The following KCNT2 variants were observed in gnomAD, a reference collection of about 807,000 sequenced individuals.
The protein encoded by KCNT2 is potassium sodium-activated channel subfamily T member 2, also known as potassium channel subfamily T member 2.
In KCNT2, 67 loss-of-function variants were observed where a neutral mutation model predicts 153.8. That is an observed-to-expected ratio of 0.44 (90% CI 0.36 to 0.53). The LOEUF (loss-of-function observed/expected upper bound fraction) is 0.53, where lower values mean the gene tolerates loss of function less well. KCNT2 is among the 20% of genes least tolerant of loss of function. KCNT2 has a pLI of 0.00. For synonymous variants in KCNT2, 500 were observed against 458.8 expected (o/e 1.09, Z -1.15); for missense variants, 975 against 1,354.8 (o/e 0.72, Z 4.40).
At chr1:196,451,489 G>A (rs1255199425) in intron 8 of KCNT2, among the ~76,000 whole-genome samples, 2 of 131,482 alleles carry the variant, frequency 1.5e-5, no homozygotes, top group East Asian at 2.3e-4. Context: ...AAATTCCTGA[G>A]TTCTGCTTGC....
intron 8 of KCNT2, among the ~76,000 whole-genome samples, chr1:196,435,249 C>T (rs1225768478): frequency 1.4e-5 from 2 of 139,868 alleles, no homozygotes; most frequent in African/African-American, 5.3e-5. Flanking sequence ...TTTATCTCAC[C>T]TTCACTATTT....
chr1:196,398,724 T>C (rs1287468173), intron 12 of KCNT2, 53 bp from the exon 13 acceptor site: 1 of 957,842 alleles, frequency 1.0e-6, no homozygotes, highest in Admixed American at 2.2e-5. Flanking sequence ...GTTTATAACA[T>C]ATAAAGTAAA....
At chr1:196,349,242 G>A (rs555818285) in intron 14 of KCNT2, among the ~76,000 whole-genome samples, 6 of 152,106 alleles carry the variant, frequency 3.9e-5, no homozygotes, top group Admixed American at 6.6e-5. Context: ...TACAAATTCC[G>A]TGACTTTGTA....
intron 22 of KCNT2, among the ~76,000 whole-genome samples, chr1:196,289,826 A>G (rs904154403): frequency 6.6e-6 from 1 of 152,102 alleles, no homozygotes; most frequent in Admixed American, 6.6e-5. Flanking sequence ...TTGAAGTTTT[A>G]CTGATGATAT....
chr1:196,468,314 C>T (rs548088814), intron 6 of KCNT2, among the ~76,000 whole-genome samples: 10 of 152,130 alleles, frequency 6.6e-5, no homozygotes, highest in East Asian at 5.8e-4. Context: ...CAGAACAGAG[C>T]GACAGCTCCA....
Position 196,304,669 on chromosome 1 carries a change from T to C in KCNT2, c.2595+565A>G, listed in dbSNP as rs576980213. Among the ~76,000 whole-genome samples the C allele has an allele frequency of 9.1e-4, 138 of 152,294 alleles. 1 individual carries two copies. The highest frequency in any genetic ancestry group is 3.4e-3 in the Middle Eastern group (1 of 292). ...GTATACTGAAAATGGAAACCAAATC[T>C]TTCTGACCATATAACATTACTTTGC... On this transcript the variant is annotated intron_variant, in intron 22 of 27. Transcript: ENST00000294725.
intron 13 of KCNT2, among the ~76,000 whole-genome samples, chr1:196,380,268 T>G (rs1260006092): frequency 6.6e-6 from 1 of 152,110 alleles, no homozygotes; most frequent in Admixed American, 6.6e-5. Context: ...GATTATTGAT[T>G]TCTTCTTTGT....
intron 1 of KCNT2, among the ~76,000 whole-genome samples, chr1:196,525,897 A>G (rs1654118892): frequency 6.6e-6 from 1 of 151,984 alleles, no homozygotes; most frequent in South Asian, 2.1e-4. Context: ...AAGGTTATGT[A>G]TTGAACACTT....
Position 196,582,017 on chromosome 1 carries a change from T to G in KCNT2, c.95+26198A>C, listed in dbSNP as rs139143041. 7.2e-3 allele frequency among the ~76,000 whole-genome samples: 1,095 copies of G among 152,242 alleles called. 8 individuals carry two copies. The highest frequency in any genetic ancestry group is 0.01 in the Non-Finnish European group (696 of 68,004). On this transcript the variant is annotated intron_variant, in intron 1 of 27. Coordinates refer to ENST00000294725, the MANE Select transcript of KCNT2 (RefSeq NM_198503.5). ...TTCAGGTAGACTTTAAAAAGTCTTATCATATATTTCAAAACCAACATGTAT... is the reference window on the plus strand; with the variant it reads ...TTCAGGTAGACTTTAAAAAGTCTTAGCATATATTTCAAAACCAACATGTAT...
intron 8 of KCNT2, among the ~76,000 whole-genome samples, chr1:196,447,953 G>A (rs1363911808): frequency 6.6e-6 from 1 of 151,062 alleles, no homozygotes; most frequent in Non-Finnish European, 1.5e-5. Flanking sequence ...GAAAGAGAAT[G>A]ATATTAGGAA....
Position 196,608,337 on chromosome 1 carries a change from A to C in KCNT2, c.-28T>G, listed in dbSNP as rs750646897. ...TTCCTCAAAGAGTGGGAAACATCAA[A>C]CAACAAATGGAGGAGAGGAGGGAGA... is the stretch of plus-strand genomic sequence containing the variant. On this transcript the variant is annotated 5_prime_UTR_variant, in exon 1 of 28. Transcript: ENST00000294725. 6.4e-7 allele frequency: 1 copy of C among 1,551,190 alleles called. No individual in the cohort carries two copies.
At chr1:196,536,645 C>T (rs540079620) in intron 1 of KCNT2, among the ~76,000 whole-genome samples, 5 of 152,288 alleles carry the variant, frequency 3.3e-5, no homozygotes, top group South Asian at 2.1e-4. Flanking sequence ...TAAGTTGGTG[C>T]CCCACTTTGC....
At chr1:196,337,455 A>G (rs958381926) in intron 16 of KCNT2, among the ~76,000 whole-genome samples, 6 of 152,076 alleles carry the variant, frequency 3.9e-5, no homozygotes, top group African/African-American at 1.2e-4. Flanking sequence ...AAAGCCTTGC[A>G]ATAATTCCCA....
chr1:196,369,724 A>G (rs1220702576), intron 14 of KCNT2, among the ~76,000 whole-genome samples: 1 of 152,068 alleles, frequency 6.6e-6, no homozygotes, highest in Non-Finnish European at 1.5e-5. Context: ...CCAGTCTATC[A>G]TTGTTGGACA....
At chr1:196,452,873 G>A (rs1676345504) in intron 8 of KCNT2, among the ~76,000 whole-genome samples, 2 of 151,760 alleles carry the variant, frequency 1.3e-5, no homozygotes, top group African/African-American at 4.8e-5. Flanking sequence ...AACTGATGAG[G>A]TCCACCCACA....
At chr1:196,481,635 G>A (rs959553518) in intron 4 of KCNT2, among the ~76,000 whole-genome samples, 2 of 152,108 alleles carry the variant, frequency 1.3e-5, no homozygotes, top group Non-Finnish European at 2.9e-5. Flanking sequence ...AAATAAAAAG[G>A]ATCTGTAGGA....
chr1:196,565,592 C>CATATATAT (rs138353023), intron 1 of KCNT2, among the ~76,000 whole-genome samples: 4 of 145,192 alleles, frequency 2.8e-5, no homozygotes, highest in Non-Finnish European at 3.0e-5. Context: ...AATCATTATA[C>CATATATAT]ATATATATAT....
chr1:196,286,019 AG>A (rs1158740042), intron 22 of KCNT2, among the ~76,000 whole-genome samples: 1 of 152,182 alleles, frequency 6.6e-6, no homozygotes, highest in Non-Finnish European at 1.5e-5. Context: ...TCATACAAGA[AG>A]AGACATCATA....
chr1:196,375,931 GATA>G (rs1668928262), intron 13 of KCNT2, among the ~76,000 whole-genome samples: 2 of 151,822 alleles, frequency 1.3e-5, no homozygotes, highest in African/African-American at 4.8e-5. Context: ...TATTCAACTG[GATA>G]ATAATCTTTA....
Sources: allele counts gnomAD v4.1 joint callset (sites outside exome capture counted in the v4.1 genomes callset), GRCh38; gene constraint gnomAD v4.1.1; transcripts MANE v1.5; gene names NCBI Gene and HGNC (gene_info 2026-07-23, HGNC 2026-07-21).